The following CAPS2 variants were observed in gnomAD, a reference collection of about 807,000 sequenced individuals.
CAPS2 encodes calcyphosine 2, also known as calcyphosin-2.
In CAPS2, 98 loss-of-function variants were observed where a neutral mutation model predicts 86.5. The observed-to-expected ratio is 1.13, with a 90% confidence interval of 0.96 to 1.34. The LOEUF (loss-of-function observed/expected upper bound fraction) is 1.34. Among genes scored for constraint, CAPS2 ranks in the 40% most tolerant of loss-of-function variants. CAPS2 has a pLI of 0.00. For synonymous variants in CAPS2, 210 were observed against 225.1 expected (o/e 0.93, Z 0.60); for missense variants, 729 against 686.8 (o/e 1.06, Z -0.69).
At chr12:75,304,248 T>C (rs1254023900) in intron 8 of CAPS2, among the ~76,000 whole-genome samples, 1 of 152,184 alleles carries the variant, frequency 6.6e-6, no homozygotes, top group Non-Finnish European at 1.5e-5. Context: ...AAAAAGCTAC[T>C]GTGGGTACTG....
intron 1 of CAPS2, among the ~76,000 whole-genome samples, chr12:75,383,424 G>C (rs1378223344): frequency 6.6e-6 from 1 of 152,056 alleles, no homozygotes. Context: ...AACAAGGAAA[G>C]TTATCAGGAT....
exon 11 of CAPS2, chr12:75,298,736 T>C (rs1254232326): frequency 1.9e-6 from 3 of 1,614,084 alleles, no homozygotes; most frequent in Non-Finnish European, 2.5e-6. Flanking sequence ...TCGTCCACAC[T>C]GATGACTATA....
At chr12:75,343,844 C>T in intron 1 of CAPS2, 5 of 1,612,864 alleles carry the variant, frequency 3.1e-6, no homozygotes, top group Non-Finnish European at 4.2e-6. Flanking sequence ...AAGTCATTCA[C>T]ACCAAGACAT....
intron 1 of CAPS2, among the ~76,000 whole-genome samples, chr12:75,344,926 C>T (rs1432468292): frequency 6.6e-6 from 1 of 152,050 alleles, no homozygotes; most frequent in Non-Finnish European, 1.5e-5. Context: ...ATGAAGTTGT[C>T]CAGTTTGGAA....
intron 1 of CAPS2, 104 bp downstream of exon 2, chr12:75,326,314 T>C (rs1195737124): frequency 6.3e-6 from 3 of 473,722 alleles, no homozygotes; most frequent in Non-Finnish European, 1.1e-5. Flanking sequence ...GAAATGTTGA[T>C]CCTAAATATC....
exon 17 of CAPS2, chr12:75,277,339 A>G (rs942999344): frequency 1.0e-6 from 1 of 969,136 alleles, no homozygotes; most frequent in Non-Finnish European, 1.2e-6. Flanking sequence ...AAAACACTAT[A>G]TGCATATTGA....
At chr12:75,319,103 T>A (rs1444448623) in intron 5 of CAPS2, among the ~76,000 whole-genome samples, 1 of 152,094 alleles carries the variant, frequency 6.6e-6, no homozygotes, top group Non-Finnish European at 1.5e-5. Flanking sequence ...AAAATATATA[T>A]GTACACATAA....
intron 16 of CAPS2, among the ~76,000 whole-genome samples, chr12:75,279,770 G>A (rs2033574443): frequency 6.6e-6 from 1 of 151,826 alleles, no homozygotes; most frequent in South Asian, 2.1e-4. Flanking sequence ...ACGTAGAGAT[G>A]GTAATATAAA....
At chr12:75,319,273 T>G (rs1191106154) in intron 5 of CAPS2, among the ~76,000 whole-genome samples, 2 of 152,128 alleles carry the variant, frequency 1.3e-5, no homozygotes, top group African/African-American at 2.4e-5. Context: ...TCCCCAATGT[T>G]GGAGTGGTGT....
Position 75,383,975 on chromosome 12 carries a change from T to G in CAPS2, c.-395+6863A>C, listed in dbSNP as rs1347663750. ...AAATTTGAAAATATTTTTAAATAAA[T>G]GAAGATGAAAACAACTTGGCAAAAT... On this transcript the variant is annotated intron_variant, in intron 1 of 5. Coordinates refer to the CAPS2 transcript ENST00000551829. 2.0e-5 allele frequency among the ~76,000 whole-genome samples: 3 copies of G among 152,064 alleles called. No homozygotes were observed. In the East Asian group the frequency reaches 5.8e-4, roughly 29 times the overall value.
At chr12:75,306,249 A>ATACT in intron 7 of CAPS2, 1 of 640,836 alleles carries the variant, frequency 1.6e-6, no homozygotes, top group South Asian at 1.8e-5. Context: ...CAAATCATGG[A>ATACT]GTTCCTGGCC....
chr12:75,369,760 G>C (rs192599847), intron 1 of CAPS2: 6 of 984,866 alleles, frequency 6.1e-6, no homozygotes, highest in Non-Finnish European at 6.0e-6. Flanking sequence ...AGAAATATTT[G>C]TTGACATAAC....
chr12:75,333,413 G>T (rs1029719484), upstream of CAPS2, among the ~76,000 whole-genome samples: 4 of 151,778 alleles, frequency 2.6e-5, no homozygotes, highest in East Asian at 3.9e-4. Flanking sequence ...TAACTGTATT[G>T]ATTTATCTAT....
At chr12:75,355,686 A>G (rs1427176558) in intron 1 of CAPS2, among the ~76,000 whole-genome samples, 1 of 152,234 alleles carries the variant, frequency 6.6e-6, no homozygotes, top group East Asian at 1.9e-4. Flanking sequence ...AAGTAGGTTC[A>G]GCGCAGCACT....
chr12:75,390,691 A>G (rs1178660330), intron 1 of CAPS2: 6 of 429,810 alleles, frequency 1.4e-5, no homozygotes, highest in Admixed American at 7.6e-5. Context: ...ACCTGGCACA[A>G]TTAGAAGGTT....
intron 1 of CAPS2, among the ~76,000 whole-genome samples, chr12:75,350,852 C>T (rs2042762003): frequency 1.3e-5 from 2 of 152,030 alleles, no homozygotes; most frequent in Admixed American, 6.6e-5. Context: ...CTGAGATGGA[C>T]GAATTGACAA....
chr12:75,328,336 G>C (rs2040981297), upstream of CAPS2, among the ~76,000 whole-genome samples: 1 of 152,088 alleles, frequency 6.6e-6, no homozygotes, highest in African/African-American at 2.4e-5. Flanking sequence ...AACATTTATA[G>C]CTATTTCAAA....
chr12:75,304,931 A>ATTT, intron 7 of CAPS2, 55 bp from the exon 8 acceptor site: 3 of 1,558,734 alleles, frequency 1.9e-6, no homozygotes, highest in Non-Finnish European at 2.6e-6. Flanking sequence ...ATTACTTTAA[A>ATTT]ATTCACATAT....
At chr12:75,351,168 C>T (rs913341984) in intron 1 of CAPS2, among the ~76,000 whole-genome samples, 1 of 152,098 alleles carries the variant, frequency 6.6e-6, no homozygotes, top group Non-Finnish European at 1.5e-5. Flanking sequence ...CAAACAAAAC[C>T]TGTGAGAACT....
Sources: allele counts gnomAD v4.1 joint callset (sites outside exome capture counted in the v4.1 genomes callset), GRCh38; gene constraint gnomAD v4.1.1; transcripts MANE v1.5; gene names NCBI Gene and HGNC (gene_info 2026-07-23, HGNC 2026-07-21).